ACER2: variants seen among roughly 807,000 people sequenced by gnomAD.
ACER2 encodes alkaline ceramidase 2.
ACER2 carries 26 observed loss-of-function variants against 34.7 expected under a neutral mutation model. The ratio of observed to expected loss-of-function variants is 0.75; its 90% CI spans 0.55 to 1.04. The LOEUF is 1.04. Among genes scored for constraint, ACER2 ranks in the 50% least tolerant of loss-of-function variants. The pLI is 0.00. For missense variants in ACER2, 352 were observed against 340.8 expected, an observed-to-expected ratio of 1.03 and a Z score of -0.26; for synonymous variants, 138 against 132.1, an observed-to-expected ratio of 1.04 and a Z score of -0.31.
At chr9:19,411,811 G>T (rs1223803734) in intron 1 of ACER2, among the ~76,000 whole-genome samples, 3 of 152,178 alleles carry the variant, frequency 2.0e-5, no homozygotes, top group African/African-American at 7.2e-5. Context: ...GGTCTTAGGG[G>T]TAGCACATCA....
chr9:19,424,440 GGATGAA>G (rs1830499258), intron 2 of ACER2: 1 of 985,274 alleles, frequency 1.0e-6, no homozygotes, highest in African/African-American at 1.7e-5. Flanking sequence ...AAGGCTCAGT[GGATGAA>G]GACAGAATGC....
intron 3 of ACER2, among the ~76,000 whole-genome samples, chr9:19,433,944 C>T (rs1174966492): frequency 2.6e-5 from 4 of 151,098 alleles, no homozygotes; most frequent in Non-Finnish European, 3.0e-5. Flanking sequence ...GCTGGCCGGG[C>T]AGGGGGCTGA....
At chr9:19,446,014 A>G (rs1156631291) in intron 4 of ACER2, among the ~76,000 whole-genome samples, 2 of 152,176 alleles carry the variant, frequency 1.3e-5, no homozygotes, top group Non-Finnish European at 2.9e-5. Flanking sequence ...TTAGATCCAT[A>G]TTAGGGTGCT....
At chr9:19,443,268 G>A (rs1185982773) in intron 4 of ACER2, among the ~76,000 whole-genome samples, 1 of 152,096 alleles carries the variant, frequency 6.6e-6, no homozygotes, top group Non-Finnish European at 1.5e-5. Context: ...TCCTGAACTC[G>A]TGATCCACCT....
Position 19,451,765 on chromosome 9 carries a change from G to T in ACER2, c.*1129G>T, listed in dbSNP as rs1173424564. On this transcript the variant is annotated 3_prime_UTR_variant, in exon 6 of 6. Transcript: ENST00000340967. ...GGTGGGGGTTCTGGTTCAAAATTTG[G>T]AGCAAACATGAAGTTTTTGGAAACG... 1 of 152,138 alleles carries T rather than the reference G, an allele frequency of 6.6e-6. No homozygotes were observed. Among genetic ancestry groups the T allele is most frequent in the African/African-American group, 2.4e-5 (1 of 41,414 alleles). The allele number at this position is 152,138 out of a possible 1,614,324, so 9.4% of individuals were successfully genotyped here. A position where few individuals can be genotyped will look rare whatever the true frequency, so the allele number is the denominator to read the frequency against.
At chr9:19,446,218 G>A (rs1002686413) in intron 4 of ACER2, 63 bp from the exon 5 acceptor site, 1 of 1,613,234 alleles carries the variant, frequency 6.2e-7, no homozygotes, top group Non-Finnish European at 8.5e-7. Context: ...ACACAGGAAA[G>A]GTGGCCAGCA....
chr9:19,449,318 C>T (rs1831482443), intron 5 of ACER2, among the ~76,000 whole-genome samples: 1 of 152,210 alleles, frequency 6.6e-6, no homozygotes, highest in African/African-American at 2.4e-5. Flanking sequence ...CGAGGCCAAT[C>T]TGGTTCATAC....
chr9:19,448,395 A>G (rs1000830714), intron 5 of ACER2, among the ~76,000 whole-genome samples: 1 of 152,182 alleles, frequency 6.6e-6, no homozygotes, highest in African/African-American at 2.4e-5. Flanking sequence ...ACCAATACAT[A>G]TATATAATCT....
intron 3 of ACER2, among the ~76,000 whole-genome samples, chr9:19,427,626 T>TC (rs995448598): frequency 2.8e-5 from 3 of 106,080 alleles, no homozygotes; most frequent in Admixed American, 1.1e-4. Context: ...CTTCCCTCCC[T>TC]CCCCCCCTCC....
chr9:19,421,843 TA>T (rs1330201186), intron 1 of ACER2, among the ~76,000 whole-genome samples: 1 of 152,072 alleles, frequency 6.6e-6, no homozygotes, highest in Non-Finnish European at 1.5e-5. Context: ...AAAAGTAAGT[TA>T]AAAAAATTAG....
At chr9:19,438,069 C>A (rs921728751) in intron 4 of ACER2, among the ~76,000 whole-genome samples, 5 of 152,162 alleles carry the variant, frequency 3.3e-5, no homozygotes, top group Admixed American at 3.3e-4. Flanking sequence ...TCTTGAGACT[C>A]CCTCAGTTTA....
At chr9:19,440,954 G>A (rs1831135491) in intron 4 of ACER2, among the ~76,000 whole-genome samples, 1 of 152,124 alleles carries the variant, frequency 6.6e-6, no homozygotes, top group Admixed American at 6.5e-5. Flanking sequence ...TGCAGAAAAG[G>A]GGAGCACCAT....
chr9:19,420,188 C>T (rs746691925), intron 1 of ACER2, among the ~76,000 whole-genome samples: 18 of 152,196 alleles, frequency 1.2e-4, no homozygotes, highest in Non-Finnish European at 1.9e-4. Flanking sequence ...TTCTTTGAGA[C>T]GTCCTCTAAG....
chr9:19,433,149 C>CTTTTTTTTTTTT (rs57915019), intron 3 of ACER2, among the ~76,000 whole-genome samples: 5 of 61,362 alleles, frequency 8.1e-5, no homozygotes, highest in African/African-American at 1.8e-4. Context: ...GTGTGAGTGG[C>CTTTTTTTTTTTT]TTTTTTTTTT....
chr9:19,438,928 G>A (rs997682898), intron 4 of ACER2, among the ~76,000 whole-genome samples: 4 of 152,086 alleles, frequency 2.6e-5, no homozygotes, highest in African/African-American at 4.8e-5. Context: ...TGAGATTACA[G>A]GTGTGAGCCA....
At chr9:19,449,522 A>G (rs752208181) in intron 5 of ACER2, among the ~76,000 whole-genome samples, 4 of 152,100 alleles carry the variant, frequency 2.6e-5, no homozygotes, top group African/African-American at 7.2e-5. Flanking sequence ...AATCTTTTCT[A>G]TAGGATTTCT....
intron 2 of ACER2, 120 bp from the exon 3 acceptor site, chr9:19,424,580 C>CAG (rs375342683): frequency 9.4e-6 from 14 of 1,495,168 alleles, no homozygotes; most frequent in Admixed American, 4.8e-5. Context: ...TTTCTTTTTT[C>CAG]AGAGAGAGAG....
In ACER2 at chr9:19,414,871, C is replaced by T. The variant is rs534553196; in HGVS notation, c.108+5679C>T. On this transcript the variant is annotated intron_variant, in intron 1 of 5. Transcript: ENST00000340967. ...AAAAAAAAAAAAAAAAATTGTAGCC[C>T]TTGAGTGCACTATTCTACAATTTCA... 1.5e-3 allele frequency among the ~76,000 whole-genome samples: 222 copies of T among 151,934 alleles called. 3 individuals carry two copies. The highest frequency in any genetic ancestry group is 6.8e-3 in the Middle Eastern group (2 of 292).
At chr9:19,435,161 C>G (rs1431926761) in intron 4 of ACER2, 77 bp downstream of exon 4, 2 of 1,531,030 alleles carry the variant, frequency 1.3e-6, no homozygotes, top group Admixed American at 4.0e-5. Context: ...CTTTGCTGTC[C>G]TGTAGCAGAA....
Sources: gnomAD v4.1 joint callset for allele counts (sites outside exome capture counted in the v4.1 genomes callset) on GRCh38, gnomAD v4.1.1 for gene constraint, MANE v1.5 for transcripts, NCBI Gene and HGNC (gene_info 2026-07-23, HGNC 2026-07-21) for gene names.